Variants in WWOX observed in about 807,000 individuals in gnomAD.
WWOX encodes WW domain containing oxidoreductase, also known as WW domain-containing oxidoreductase.
A neutral mutation model predicts 46.2 loss-of-function variants in WWOX; 69 were observed. That is an observed-to-expected ratio of 1.49 (90% confidence interval 1.23 to 1.82). WWOX has a LOEUF of 1.82. Among genes scored for constraint, WWOX ranks in the 40% most tolerant of loss-of-function variants. WWOX has a pLI of 0.00. For missense variants in WWOX, 919 were observed against 542.6 expected, an observed-to-expected ratio of 1.69 and a Z score of -6.89; for synonymous variants, 359 against 202.6, an observed-to-expected ratio of 1.77 and a Z score of -6.56.
At chr16:78,969,799 A>C (rs1213596938) in intron 8 of WWOX, among the ~76,000 whole-genome samples, 1 of 152,192 alleles carries the variant, frequency 6.6e-6, no homozygotes, top group East Asian at 1.9e-4. Flanking sequence ...CAAAGAGGCA[A>C]ATCTGCAGAA....
At chr16:78,356,280 C>T (rs535344721) in intron 5 of WWOX, among the ~76,000 whole-genome samples, 4 of 151,780 alleles carry the variant, frequency 2.6e-5, no homozygotes, top group Non-Finnish European at 5.9e-5. Flanking sequence ...TATCACATTT[C>T]TTTTTCTAGT....
chr16:78,782,077 G>T (rs1227611869), intron 8 of WWOX, among the ~76,000 whole-genome samples: 8 of 152,146 alleles, frequency 5.3e-5, no homozygotes, highest in Admixed American at 5.2e-4. Context: ...CGGCTGCGGG[G>T]AGAAATAGAT....
At chr16:78,594,536 A>C (rs2045436377) in intron 8 of WWOX, among the ~76,000 whole-genome samples, 2 of 149,340 alleles carry the variant, frequency 1.3e-5, no homozygotes, top group South Asian at 2.1e-4. Flanking sequence ...CCACATGAAA[A>C]GTCTCAATCA....
intron 8 of WWOX, among the ~76,000 whole-genome samples, chr16:79,123,591 A>G (rs1166980878): frequency 6.6e-6 from 1 of 152,134 alleles, no homozygotes; most frequent in Non-Finnish European, 1.5e-5. Flanking sequence ...GGTCTCATCT[A>G]ACAGGCAGTA....
At chr16:78,730,245 T>C (rs75498828) in intron 8 of WWOX, among the ~76,000 whole-genome samples, 2 of 152,144 alleles carry the variant, frequency 1.3e-5, no homozygotes, top group East Asian at 1.9e-4. Context: ...GATGATCTTA[T>C]GAACGACGTT....
At chr16:78,405,051 G>T (rs761903925) in intron 6 of WWOX, among the ~76,000 whole-genome samples, 1 of 152,194 alleles carries the variant, frequency 6.6e-6, no homozygotes, top group African/African-American at 2.4e-5. Context: ...CAATCAATGA[G>T]ATTGAGATTT....
chr16:79,109,661 G>A (rs1166557194), intron 8 of WWOX, among the ~76,000 whole-genome samples: 3 of 152,022 alleles, frequency 2.0e-5, no homozygotes, highest in African/African-American at 2.4e-5. Flanking sequence ...GGGGTATTTC[G>A]CTCCAAGTTT....
chr16:78,966,386 C>G (rs1035143335), intron 8 of WWOX, among the ~76,000 whole-genome samples: 2 of 152,290 alleles, frequency 1.3e-5, no homozygotes, highest in Admixed American at 6.5e-5. Context: ...TGTAATCATA[C>G]TGTCTATAGA....
chr16:78,866,990 A>G (rs2044017881), intron 8 of WWOX, among the ~76,000 whole-genome samples: 1 of 152,172 alleles, frequency 6.6e-6, no homozygotes, highest in African/African-American at 2.4e-5. Context: ...CAAATTTGTG[A>G]TTTGTCATAA....
intron 8 of WWOX, among the ~76,000 whole-genome samples, chr16:78,470,305 G>T (rs2084189947): frequency 6.6e-6 from 1 of 152,200 alleles, no homozygotes; most frequent in Non-Finnish European, 1.5e-5. Context: ...ATAACCTTGT[G>T]CCCAGGAAGA....
At chr16:79,139,703 T>G (rs1394477737) in intron 8 of WWOX, among the ~76,000 whole-genome samples, 1 of 152,182 alleles carries the variant, frequency 6.6e-6, no homozygotes, top group Non-Finnish European at 1.5e-5. Context: ...TTAGGGTGTT[T>G]GCTTATGAAA....
intron 4 of WWOX, among the ~76,000 whole-genome samples, chr16:78,120,266 C>G: frequency 6.6e-6 from 1 of 152,100 alleles, no homozygotes. Context: ...TTCCTTGAAA[C>G]AAAATGAAGG....
chr16:78,994,505 C>G (rs961879623), intron 8 of WWOX: 4 of 152,214 alleles, frequency 2.6e-5, no homozygotes, highest in Admixed American at 2.0e-4. Flanking sequence ...ACTTATCTGA[C>G]AAATGCAATG....
chr16:78,217,635 A>C (rs546250728), intron 5 of WWOX, among the ~76,000 whole-genome samples: 4 of 152,140 alleles, frequency 2.6e-5, no homozygotes, highest in Non-Finnish European at 4.4e-5. Context: ...AGAGAAATCT[A>C]TTGAAAGTTA....
intron 8 of WWOX, among the ~76,000 whole-genome samples, chr16:78,600,689 C>T (rs556818934): frequency 6.6e-6 from 1 of 152,074 alleles, no homozygotes; most frequent in South Asian, 2.1e-4. Flanking sequence ...ATGAAACTGC[C>T]CTAGAACGAC....
chr16:78,427,527 C>A (rs1173630637), intron 7 of WWOX, among the ~76,000 whole-genome samples: 1 of 148,080 alleles, frequency 6.8e-6, no homozygotes, highest in African/African-American at 2.6e-5. Context: ...CAAAATCACA[C>A]ATACACGCAC....
intron 8 of WWOX, among the ~76,000 whole-genome samples, chr16:78,468,984 T>C (rs996493375): frequency 1.7e-4 from 26 of 152,338 alleles, no homozygotes; most frequent in African/African-American, 5.8e-4. Flanking sequence ...TAGTTCTGAA[T>C]GACTTGACTT....
intron 5 of WWOX, among the ~76,000 whole-genome samples, chr16:78,320,136 C>T (rs1473175567): frequency 3.9e-5 from 6 of 152,178 alleles, no homozygotes; most frequent in Non-Finnish European, 2.9e-5. Flanking sequence ...AATGTTTTCT[C>T]AGCTTCATGT....
At chr16:78,632,022 CA>C (rs2046444301) in intron 8 of WWOX, among the ~76,000 whole-genome samples, 1 of 128,082 alleles carries the variant, frequency 7.8e-6, no homozygotes, top group South Asian at 2.3e-4. Context: ...TCAGACCTCC[CA>C]ATTTTTTCTT....
Sources: allele counts gnomAD v4.1 joint callset (sites outside exome capture counted in the v4.1 genomes callset), GRCh38; gene constraint gnomAD v4.1.1; transcripts MANE v1.5; gene names NCBI Gene and HGNC (gene_info 2026-07-23, HGNC 2026-07-21).